The following GDF1 variants were observed in gnomAD, a reference collection of about 807,000 sequenced individuals.
GDF1 encodes the protein embryonic growth/differentiation factor 1.
GDF1 carries 8 observed loss-of-function variants against 7.4 expected under a neutral mutation model. The observed-to-expected ratio is 1.09, with a 90% CI of 0.64 to 1.96. The LOEUF (loss-of-function observed/expected upper bound fraction) is 1.96, where lower values mean the gene tolerates loss of function less well. GDF1 is among the 30% of genes most tolerant of loss of function. The pLI, the probability that GDF1 is intolerant of heterozygous loss-of-function variation, is 0.00. For synonymous variants in GDF1, 311 were observed against 276.7 expected, an observed-to-expected ratio of 1.12 and a Z score of -1.23; for missense variants, 574 against 551.5, an observed-to-expected ratio of 1.04 and a Z score of -0.41.
At chr19:18,880,221 C>T (rs1403446593) in intron 4 of GDF1, 53 bp downstream of exon 4, 28 of 1,490,192 alleles carry the variant, frequency 1.9e-5, no homozygotes, top group Non-Finnish European at 2.5e-5. Flanking sequence ...TCTGGACACA[C>T]CCACCTCACC....
At chr19:18,872,724 C>CTGGTTTAGTAGAGATGCGGTTTTTAGTAG (rs2055996687) in intron 6 of GDF1, among the ~76,000 whole-genome samples, 3 of 152,218 alleles carry the variant, frequency 2.0e-5, no homozygotes, top group African/African-American at 7.2e-5. Context: ...CCATGTTGGC[C>CTGGTTTAGTAGAGATGCGGTTTTTAGTAG]AGGCTGGTCT....
Position 18,896,118 on chromosome 19 carries a change from T to C in GDF1, c.-1368A>G. 1.3e-6 allele frequency: 1 copy of C among 763,934 alleles called. No individual in the cohort carries two copies. The highest frequency in any genetic ancestry group is 1.6e-6 in the Non-Finnish European group (1 of 631,270). 47.3% of individuals were successfully genotyped at this position (763,934 alleles called of 1,614,324 possible). A position where few individuals can be genotyped will look rare whatever the true frequency, so the allele number is the denominator to read the frequency against. On this transcript the variant is annotated 5_prime_UTR_variant, in exon 1 of 8. Transcript: ENST00000247005. The surrounding 1 kb of genome is among the most constrained non-coding windows in gnomAD (Gnocchi z 5.9). ...GCCCGTCGCCTGCGCCCGCCCGCGG[T>C]AGCCGACGGAGCCGCGCGCCCCGCG... is the stretch of plus-strand genomic sequence containing the variant.
rs143965162 is a variant in GDF1 at position 18,880,571 on chromosome 19, C to T, written c.-732-136G>A. The stretch of plus-strand genomic sequence containing the variant: ...CTCTTCAAAGCCACCCTTCCTGCCT[C>T]GCCTGCCCTGCCCATCTCCACTTCC... On this transcript the variant is annotated intron_variant, in intron 3 of 7. Transcript: ENST00000247005. 3.4e-3 allele frequency: 2,713 copies of T among 799,254 alleles called. 42 individuals are homozygous for T. The African/African-American group carries it at 0.04, about 12-fold the overall frequency. The allele number at this position is 799,254 out of a possible 1,614,324, so 49.5% of individuals were successfully genotyped here. A position where few individuals can be genotyped will look rare whatever the true frequency, so the allele number is the denominator to read the frequency against.
Position 18,868,806 on chromosome 19 carries a change from CG to C in GDF1, c.909del (p.Val304SerfsTer81). The C allele has an allele frequency of 6.9e-7, 1 of 1,454,776 alleles. No homozygotes were observed. The highest frequency in any genetic ancestry group is 9.1e-7 in the Non-Finnish European group (1 of 1,093,314). The allele number at this position is 1,454,776 out of a possible 1,614,324, so 90.1% of individuals were successfully genotyped here. A position where few individuals can be genotyped will look rare whatever the true frequency, so the allele number is the denominator to read the frequency against. ...GGCCCCCCGGACCCCGACAGCGCGA[CG>C]GGCAGCGCGCACTGACCCTGGCAGT... ...ANYCQGQCALPVALSGSGGPP... is the reference protein window; with the variant it reads ...ANYCQGQCALXVALSGSGGPP... On this transcript the variant is annotated frameshift_variant, in exon 8 of 8. Coordinates refer to ENST00000247005, the MANE Select transcript of GDF1 (RefSeq NM_001492.6). LOFTEE classifies it low-confidence loss of function (END_TRUNC).
At chr19:18,879,935 C>G (rs2056160688) in intron 4 of GDF1, among the ~76,000 whole-genome samples, 1 of 151,892 alleles carries the variant, frequency 6.6e-6, no homozygotes, top group Non-Finnish European at 1.5e-5. Context: ...TGGCCCCACC[C>G]CTGGCTTGCT....
At chr19:18,884,043 T>C in intron 3 of GDF1, 44 bp downstream of exon 3, 1 of 1,586,638 alleles carries the variant, frequency 6.3e-7, no homozygotes. Context: ...CCGCACTCTG[T>C]GTGGGCTGTG....
chr19:18,877,387 A>C (rs182043154), intron 6 of GDF1, among the ~76,000 whole-genome samples: 215 of 152,292 alleles, frequency 1.4e-3, no homozygotes, highest in Admixed American at 3.3e-3. Flanking sequence ...GATGTGGCCA[A>C]ACTGGTGCCC....
chr19:18,885,675 A>C (rs1182862815), intron 2 of GDF1, among the ~76,000 whole-genome samples: 5 of 148,526 alleles, frequency 3.4e-5, no homozygotes, highest in African/African-American at 1.0e-4. Flanking sequence ...ACCCACCACC[A>C]TGCCTGGCTA....
chr19:18,889,657 T>C (rs892842684), intron 2 of GDF1, among the ~76,000 whole-genome samples: 1 of 152,130 alleles, frequency 6.6e-6, no homozygotes, highest in African/African-American at 2.4e-5. Context: ...CTCGAACTCC[T>C]GGGCTCAAGT....
intron 2 of GDF1, among the ~76,000 whole-genome samples, chr19:18,893,105 G>A (rs772124734): frequency 6.6e-6 from 1 of 152,040 alleles, no homozygotes; most frequent in Non-Finnish European, 1.5e-5. Flanking sequence ...AGTAGAGACG[G>A]GGTTTCACCA....
intron 2 of GDF1, among the ~76,000 whole-genome samples, chr19:18,889,218 A>G (rs941477439): frequency 6.6e-6 from 1 of 151,860 alleles, no homozygotes; most frequent in Admixed American, 6.6e-5. Context: ...CAGAATTTCA[A>G]TGAAAATTGT....
intron 6 of GDF1, among the ~76,000 whole-genome samples, chr19:18,873,355 A>C (rs758379240): frequency 6.6e-6 from 1 of 151,438 alleles, no homozygotes; most frequent in Non-Finnish European, 1.5e-5. Context: ...GAAGAGAAGG[A>C]GGCCAGCCAG....
At chr19:18,869,576 C>T (rs1253115655) in intron 7 of GDF1, among the ~76,000 whole-genome samples, 186 bp from the exon 8 acceptor site, 1 of 10,026 alleles carries the variant, frequency 1.0e-4, no homozygotes, top group Non-Finnish European at 2.0e-4. Flanking sequence ...AGGCGCCCTG[C>T]GGGGTGCGGC....
At chr19:18,871,925 C>A (rs1052572290) in intron 6 of GDF1, among the ~76,000 whole-genome samples, 1 of 152,194 alleles carries the variant, frequency 6.6e-6, no homozygotes, top group Non-Finnish European at 1.5e-5. Flanking sequence ...TGGGATGACT[C>A]CAGGGATTCC....
In GDF1 at chr19:18,874,850, G is replaced by C. The variant is rs138742444; in HGVS notation, c.-313+4080C>G. Among the ~76,000 whole-genome samples the C allele has an allele frequency of 2.2e-3, 333 of 152,292 alleles. 2 individuals carry two copies. Among genetic ancestry groups the C allele is most frequent in the African/African-American group, 7.7e-3 (319 of 41,568 alleles). On this transcript the variant is annotated intron_variant, in intron 6 of 7. Coordinates refer to ENST00000247005, the MANE Select transcript of GDF1 (RefSeq NM_001492.6). ...TGAGATGGGGTGAGGAAGAGATCAAGCCAATTAATTGCTCTCTGATTTGCT... is the reference window on the plus strand; with the variant it reads ...TGAGATGGGGTGAGGAAGAGATCAACCCAATTAATTGCTCTCTGATTTGCT...
At chr19:18,894,858 T>C (rs781260633) in intron 1 of GDF1, among the ~76,000 whole-genome samples, 9 of 152,128 alleles carry the variant, frequency 5.9e-5, no homozygotes, top group Non-Finnish European at 8.8e-5. Flanking sequence ...TTGTTGGCGC[T>C]GGGCACATTG....
chr19:18,886,993 G>A (rs2056377592), intron 2 of GDF1, among the ~76,000 whole-genome samples: 1 of 152,188 alleles, frequency 6.6e-6, no homozygotes, highest in African/African-American at 2.4e-5. Flanking sequence ...CGGTCACCAT[G>A]ACCCAGCAAG....
chr19:18,870,073 G>C lies in GDF1; in HGVS notation c.235C>G (p.Arg79Gly). Residue 79 changes from arginine (R) to glycine (G), a missense_variant, in exon 7 of 8, where the codon CGG (arginine) becomes GGG (glycine). By Grantham distance (125) the Arg-to-Gly change is moderately radical. Transcript: ENST00000247005. This position sits in a 1 kb window ranked among gnomAD's most constrained non-coding sequence, Gnocchi z 5.1. Reference protein sequence around the residue: ...RDPQETRSGSRRTSPGVTLQP... With the variant: ...RDPQETRSGSGRTSPGVTLQP... Reference sequence around the variant, plus strand: ...AGGGTGACCCCTGGGGACGTCCGCCGCGAGCCAGACCTGGTCTCCTGGGGG... The same window carrying C: ...AGGGTGACCCCTGGGGACGTCCGCCCCGAGCCAGACCTGGTCTCCTGGGGG... 1 of 1,582,570 alleles carries C rather than the reference G, an allele frequency of 6.3e-7. No homozygotes were observed. Among genetic ancestry groups the C allele is most frequent in the South Asian group, 1.1e-5 (1 of 87,726 alleles).
chr19:18,885,511 G>GTTTTTTTTTT (rs59793456), intron 2 of GDF1, among the ~76,000 whole-genome samples: 4 of 22,122 alleles, frequency 1.8e-4, no homozygotes, highest in African/African-American at 3.4e-4. Context: ...GCCCCTTCTC[G>GTTTTTTTTTT]TTTTTTTTTT....
Sources: gnomAD v4.1 joint callset for allele counts (sites outside exome capture counted in the v4.1 genomes callset) on GRCh38, gnomAD v4.1.1 for gene constraint, Gnocchi (gnomAD v3.1) non-coding constraint, MANE v1.5 for transcripts, NCBI Gene and HGNC (gene_info 2026-07-23, HGNC 2026-07-21) for gene names.